ARHGEF28: variants seen among roughly 807,000 people sequenced by gnomAD.
The protein encoded by ARHGEF28 is Rho guanine nucleotide exchange factor 28, also known as 190 kDa guanine nucleotide exchange factor.
ARHGEF28 carries 152 observed loss-of-function variants against 206.6 expected under a neutral mutation model. The observed-to-expected ratio is 0.74, with a 90% CI of 0.64 to 0.84. The LOEUF is 0.84. Among genes scored for constraint, ARHGEF28 ranks in the 40% least tolerant of loss-of-function variants. The probability of loss-of-function intolerance (pLI) is 0.00; values close to 1 mark genes in which losing one functional copy is unlikely to be tolerated. For synonymous variants in ARHGEF28, 763 were observed against 776.4 expected (o/e 0.98, Z 0.29); for missense variants, 2,028 against 2,073.2 (o/e 0.98, Z 0.42).
intron 9 of ARHGEF28, among the ~76,000 whole-genome samples, chr5:73,827,419 A>G (rs552907909): frequency 2.0e-5 from 3 of 152,362 alleles, no homozygotes; most frequent in East Asian, 1.9e-4. Flanking sequence ...AGCATAACTA[A>G]TAAAGAATTT....
At chr5:73,649,370 C>T (rs1744651208) in intron 1 of ARHGEF28, among the ~76,000 whole-genome samples, 1 of 152,114 alleles carries the variant, frequency 6.6e-6, no homozygotes, top group Non-Finnish European at 1.5e-5. Context: ...TTGGATGAGG[C>T]TTTTTGGGAA....
chr5:73,902,236 T>C (rs57449894), intron 31 of ARHGEF28: 141 of 152,346 alleles, frequency 9.3e-4, no homozygotes, highest in African/African-American at 3.2e-3. Context: ...AAAATGAGCA[T>C]AGGAATGTAA....
chr5:73,905,929 C>T (rs1372087582), intron 33 of ARHGEF28, among the ~76,000 whole-genome samples: 3 of 152,172 alleles, frequency 2.0e-5, no homozygotes, highest in Middle Eastern at 3.2e-3. Flanking sequence ...TCTTTGATTA[C>T]TACTGAGACA....
intron 1 of ARHGEF28, among the ~76,000 whole-genome samples, chr5:73,644,365 A>G (rs540323496): frequency 6.6e-6 from 1 of 152,186 alleles, no homozygotes; most frequent in South Asian, 2.1e-4. Flanking sequence ...GGTTATTGTG[A>G]TGATTTCCTG....
At chr5:73,729,180 G>A (rs1325392118) in intron 2 of ARHGEF28, among the ~76,000 whole-genome samples, 1 of 152,138 alleles carries the variant, frequency 6.6e-6, no homozygotes, top group Non-Finnish European at 1.5e-5. Context: ...TGTGATCTTA[G>A]GCAAGTTATT....
intron 33 of ARHGEF28, among the ~76,000 whole-genome samples, chr5:73,906,485 G>T (rs1379770197): frequency 6.6e-6 from 1 of 152,174 alleles, no homozygotes; most frequent in Non-Finnish European, 1.5e-5. Flanking sequence ...GCCTCCCAAA[G>T]TTCTGGGATT....
intron 1 of ARHGEF28, among the ~76,000 whole-genome samples, chr5:73,659,608 AAGTT>A (rs1745457115): frequency 6.6e-6 from 1 of 152,140 alleles, no homozygotes; most frequent in African/African-American, 2.4e-5. Context: ...GATGAACTAA[AAGTT>A]AGTCCTATTA....
chr5:73,671,100 C>G (rs1346146213), intron 1 of ARHGEF28, among the ~76,000 whole-genome samples: 2 of 152,120 alleles, frequency 1.3e-5, no homozygotes, highest in Non-Finnish European at 2.9e-5. Flanking sequence ...TCATGGAATT[C>G]ATGGCCTCTA....
chr5:73,771,113 T>C (rs973775904), intron 4 of ARHGEF28, among the ~76,000 whole-genome samples: 1 of 152,232 alleles, frequency 6.6e-6, no homozygotes, highest in Non-Finnish European at 1.5e-5. Flanking sequence ...CCTTTACCAA[T>C]GGTATAATTT....
At chr5:73,837,124 A>G (rs974879978) in intron 10 of ARHGEF28, among the ~76,000 whole-genome samples, 2 of 152,154 alleles carry the variant, frequency 1.3e-5, no homozygotes, top group African/African-American at 2.4e-5. Context: ...CTTCTTGCTA[A>G]AGATTGCTTG....
intron 30 of ARHGEF28, chr5:73,898,336 G>A: frequency 3.4e-6 from 1 of 298,132 alleles, no homozygotes; most frequent in Non-Finnish European, 6.1e-6. Context: ...TGCTCTGTTT[G>A]CCGGCCAAAT....
chr5:73,766,945 C>T (rs1393095), intron 4 of ARHGEF28, among the ~76,000 whole-genome samples: 8,831 of 152,244 alleles, frequency 0.058, 415 homozygotes, highest in African/African-American at 0.12. Flanking sequence ...CCCACAATTC[C>T]TACATGTCAT....
chr5:73,877,326 G>A lies in ARHGEF28; in HGVS notation c.2814+4080G>A, dbSNP rs1442479185. On this transcript the variant is annotated intron_variant, in intron 22 of 35. Coordinates refer to ENST00000513042, the MANE Select transcript of ARHGEF28 (RefSeq NM_001177693.2). ...TTCTTCTCTCTTTTCTTCTTTATTA[G>A]TCTTGCTAGCGGTCTATCAATTTTG... 9.4e-5 allele frequency among the ~76,000 whole-genome samples: 14 copies of A among 149,438 alleles called. No homozygotes were observed. In the East Asian group the frequency reaches 2.3e-3, roughly 25 times the overall value.
chr5:73,701,049 T>G (rs562573084), intron 2 of ARHGEF28, among the ~76,000 whole-genome samples: 5 of 152,330 alleles, frequency 3.3e-5, no homozygotes, highest in African/African-American at 1.2e-4. Flanking sequence ...AATTCTTCAT[T>G]AAGAATTTAT....
At chr5:73,814,622 G>T (rs1278371941) in intron 9 of ARHGEF28, among the ~76,000 whole-genome samples, 1 of 152,066 alleles carries the variant, frequency 6.6e-6, no homozygotes, top group African/African-American at 2.4e-5. Context: ...AAGCTTACAA[G>T]CAGAAAAGGT....
chr5:73,712,416 T>C lies in ARHGEF28; in HGVS notation c.33+27532T>C, dbSNP rs568683439. Among the ~76,000 whole-genome samples the C allele has an allele frequency of 2.0e-5, 3 of 152,278 alleles. No homozygotes were observed. The East Asian group carries it at 5.8e-4, about 29-fold the overall frequency. On this transcript the variant is annotated intron_variant, in intron 2 of 35. Coordinates refer to ENST00000513042, the MANE Select transcript of ARHGEF28 (RefSeq NM_001177693.2). ...TCTACCTTTTTTGACTGAGGTGAAATTGTAGAACTCTTGATCTCTGTTCAT... is the reference window on the plus strand; with the variant it reads ...TCTACCTTTTTTGACTGAGGTGAAACTGTAGAACTCTTGATCTCTGTTCAT...
intron 2 of ARHGEF28, among the ~76,000 whole-genome samples, chr5:73,714,824 C>A (rs1749475957): frequency 6.6e-6 from 1 of 152,132 alleles, no homozygotes; most frequent in African/African-American, 2.4e-5. Context: ...ATTACCCTCT[C>A]CAAAGATAAA....
chr5:73,632,519 T>C (rs1258542140), intron 1 of ARHGEF28, among the ~76,000 whole-genome samples: 1 of 152,200 alleles, frequency 6.6e-6, no homozygotes, highest in Non-Finnish European at 1.5e-5. Flanking sequence ...CTTAGACTTT[T>C]AAAAACAATT....
chr5:73,914,892 C>T (rs906864477), intron 35 of ARHGEF28, among the ~76,000 whole-genome samples: 6 of 152,188 alleles, frequency 3.9e-5, no homozygotes, highest in Non-Finnish European at 7.4e-5. Context: ...TACAGACTTG[C>T]ACTATGCCCA....
Sources: gnomAD v4.1 joint callset for allele counts (sites outside exome capture counted in the v4.1 genomes callset) on GRCh38, gnomAD v4.1.1 for gene constraint, MANE v1.5 for transcripts, NCBI Gene and HGNC (gene_info 2026-07-23, HGNC 2026-07-21) for gene names.